PCDHA5: variants seen among roughly 807,000 people sequenced by gnomAD.
The protein encoded by PCDHA5 is protocadherin alpha 5.
PCDHA5 carries 43 observed loss-of-function variants against 61.6 expected under a neutral mutation model. The ratio of observed to expected loss-of-function variants is 0.70; its 90% CI spans 0.55 to 0.90. The LOEUF (loss-of-function observed/expected upper bound fraction) is 0.90. PCDHA5 is among the 40% of genes least tolerant of loss of function. The pLI is 0.00. For synonymous variants in PCDHA5, 627 were observed against 543.9 expected (o/e 1.15, Z -2.13); for missense variants, 1,298 against 1,222.7 (o/e 1.06, Z -0.92).
chr5:140,975,996 C>T (rs923472287), intron 1 of PCDHA5, among the ~76,000 whole-genome samples: 1 of 152,064 alleles, frequency 6.6e-6, no homozygotes, highest in African/African-American at 2.4e-5. Flanking sequence ...GAGGTACCAT[C>T]TAAGTATTAA....
intron 1 of PCDHA5, chr5:140,831,207 A>G (rs1426566077): frequency 6.6e-6 from 1 of 152,222 alleles, no homozygotes; most frequent in Non-Finnish European, 1.5e-5. Context: ...GATCAAGTAA[A>G]TTTATATGAA....
intron 1 of PCDHA5, among the ~76,000 whole-genome samples, chr5:140,886,356 T>C (rs1457178977): frequency 1.3e-5 from 2 of 152,194 alleles, no homozygotes; most frequent in South Asian, 2.1e-4. Flanking sequence ...GTTTGTTACA[T>C]AGGTGTACAT....
intron 3 of PCDHA5, among the ~76,000 whole-genome samples, chr5:140,997,644 ATGCAATAT>A (rs1287449551): frequency 7.9e-5 from 12 of 151,656 alleles, no homozygotes; most frequent in African/African-American, 2.9e-4. Flanking sequence ...AAATGGGATA[ATGCAATAT>A]GTATTATTAT....
chr5:140,875,986 T>C, intron 1 of PCDHA5: 1 of 1,613,998 alleles, frequency 6.2e-7, no homozygotes, highest in East Asian at 2.2e-5. Context: ...GACCTATGCG[T>C]TAAGTCTAAA....
At chr5:140,827,617 C>T (rs2150148430) in intron 1 of PCDHA5, among the ~76,000 whole-genome samples, 1 of 152,176 alleles carries the variant, frequency 6.6e-6, no homozygotes, top group Non-Finnish European at 1.5e-5. Flanking sequence ...TTCTTTTCTA[C>T]CAAGAGTGTA....
intron 1 of PCDHA5, chr5:140,929,479 A>G (rs2086187931): frequency 4.2e-6 from 5 of 1,193,216 alleles, no homozygotes; most frequent in Admixed American, 3.2e-5. Context: ...CTGGAAGTAT[A>G]GAAGTATTAG....
chr5:140,851,678 C>T, intron 1 of PCDHA5: 1 of 917,638 alleles, frequency 1.1e-6, no homozygotes, highest in Non-Finnish European at 1.3e-6. Context: ...GAAATTTTCT[C>T]CATTCAGTGA....
At chr5:140,841,071 T>G (rs2150310852) in intron 1 of PCDHA5, 1 of 492,430 alleles carries the variant, frequency 2.0e-6, no homozygotes, top group Non-Finnish European at 3.5e-6. Context: ...GATAAAGAAA[T>G]AGAAAGTGCA....
At chr5:140,934,636 G>A (rs782329021) in intron 1 of PCDHA5, among the ~76,000 whole-genome samples, 17 of 151,974 alleles carry the variant, frequency 1.1e-4, no homozygotes, top group Non-Finnish European at 1.9e-4. Flanking sequence ...CACAGGAAAG[G>A]CAGGATAAAT....
chr5:140,886,705 A>T (rs1293719338), intron 1 of PCDHA5, among the ~76,000 whole-genome samples: 3 of 152,058 alleles, frequency 2.0e-5, no homozygotes, highest in Non-Finnish European at 2.9e-5. Flanking sequence ...ACGCGCCTGT[A>T]ATCCCAGCTA....
intron 3 of PCDHA5, among the ~76,000 whole-genome samples, chr5:140,994,216 G>A (rs2097604981): frequency 6.6e-6 from 1 of 152,178 alleles, no homozygotes; most frequent in Non-Finnish European, 1.5e-5. Flanking sequence ...GGGACCCAGG[G>A]TCTGTCTATG....
At chr5:140,951,682 C>T (rs1327606119) in intron 1 of PCDHA5, among the ~76,000 whole-genome samples, 1 of 152,146 alleles carries the variant, frequency 6.6e-6, no homozygotes, top group East Asian at 1.9e-4. Flanking sequence ...TTGGGGATTA[C>T]AATGTGACAT....
At chr5:140,957,225 G>C (rs1585702621) in intron 1 of PCDHA5, among the ~76,000 whole-genome samples, 1 of 152,072 alleles carries the variant, frequency 6.6e-6, no homozygotes, top group Admixed American at 6.6e-5. Flanking sequence ...ATTTGGCGAA[G>C]CATTTTGGCA....
chr5:140,901,642 C>T lies in PCDHA5; in HGVS notation c.2353-77307C>T, dbSNP rs369623028. Among the ~76,000 whole-genome samples, 37 of 152,054 alleles carry T rather than the reference C, an allele frequency of 2.4e-4. No individual in the cohort carries two copies. In the East Asian group the frequency reaches 3.3e-3, roughly 13 times the overall value. On this transcript the variant is annotated intron_variant, in intron 1 of 3. Transcript: ENST00000529859. ...TTGAAGTCAGGTAATGTGATTCTTC[C>T]GGTTTTGTTCTTTTTGCTCAAGATA...
Position 140,850,693 on chromosome 5 carries a change from C to G in PCDHA5, c.2352+26566C>G, listed in dbSNP as rs138234390. On this transcript the variant is annotated intron_variant, in intron 1 of 3. Coordinates refer to ENST00000529859, the MANE Select transcript of PCDHA5 (RefSeq NM_018908.3). ...GCGATGCCCACCGAGGGCGAGTGCG[C>G]GCCTGGCAAGCCGACGCTGGTGTGT... 2.8e-3 allele frequency: 4,547 copies of G among 1,598,322 alleles called. 355 individuals carry two copies. In the South Asian group the frequency reaches 0.039, roughly 14 times the overall value.
Position 140,856,344 on chromosome 5 carries a change from T to C in PCDHA5, c.2352+32217T>C, listed in dbSNP as rs782335067. 2.8e-5 allele frequency: 45 copies of C among 1,598,188 alleles called. 4 individuals are homozygous for C. The highest frequency in any genetic ancestry group is 1.5e-4 in the Admixed American group (9 of 59,260). On this transcript the variant is annotated intron_variant, in intron 1 of 3. Transcript: ENST00000529859. The stretch of plus-strand genomic sequence containing the variant: ...CGCGAGGAGCTGTGCGGGCGGAGCG[T>C]GGAGTGCAGCATCCACCTGGAGGTG...
intron 1 of PCDHA5, among the ~76,000 whole-genome samples, chr5:140,898,068 C>A (rs1420706890): frequency 8.5e-5 from 13 of 152,050 alleles, no homozygotes; most frequent in African/African-American, 2.7e-4. Context: ...TGTTTGAGTT[C>A]ATTGTAGATT....
chr5:140,826,656 C>T (rs1769003622), intron 1 of PCDHA5, among the ~76,000 whole-genome samples: 1 of 151,930 alleles, frequency 6.6e-6, no homozygotes, highest in East Asian at 1.9e-4. Context: ...AACATTTTTG[C>T]AAGTAAATTG....
At chr5:140,851,448 T>C (rs2042064678) in intron 1 of PCDHA5, 1 of 914,844 alleles carries the variant, frequency 1.1e-6, no homozygotes, top group African/African-American at 1.8e-5. Flanking sequence ...TGCTCCACTT[T>C]AGGAATCAAA....
Sources: gnomAD v4.1 joint callset for allele counts (sites outside exome capture counted in the v4.1 genomes callset) on GRCh38, gnomAD v4.1.1 for gene constraint, MANE v1.5 for transcripts, NCBI Gene and HGNC (gene_info 2026-07-23, HGNC 2026-07-21) for gene names.